UBAP2L: variants seen among roughly 807,000 people sequenced by gnomAD.
UBAP2L encodes the protein ubiquitin associated protein 2 like, also known as ubiquitin-associated protein 2-like.
A neutral mutation model predicts 130.6 loss-of-function variants in UBAP2L; 12 were observed. The ratio of observed to expected loss-of-function variants is 0.09; its 90% CI spans 0.06 to 0.15. The LOEUF (loss-of-function observed/expected upper bound fraction) is 0.15, where lower values mean the gene tolerates loss of function less well. Among genes scored for constraint, UBAP2L ranks in the 10% least tolerant of loss-of-function variants. The pLI, the probability that UBAP2L is intolerant of heterozygous loss-of-function variation, is 1.00. For synonymous variants in UBAP2L, 503 were observed against 524.7 expected (o/e 0.96, Z 0.57); for missense variants, 965 against 1,332.5 (o/e 0.72, Z 4.29).
chr1:154,269,043 A>G (rs757447661), intron 26 of UBAP2L, 89 bp downstream of exon 26: 2 of 1,446,126 alleles, frequency 1.4e-6, no homozygotes, highest in Non-Finnish European at 1.9e-6. Flanking sequence ...ACCCTTCCTC[A>G]CCACCACCTT....
intron 25 of UBAP2L, among the ~76,000 whole-genome samples, chr1:154,268,193 T>C (rs1398435869): frequency 2.0e-5 from 3 of 151,424 alleles, no homozygotes; most frequent in Non-Finnish European, 4.4e-5. Flanking sequence ...CCAGCCTTTT[T>C]TTTTCTTTTT....
chr1:154,230,655 C>T (rs971831841), intron 4 of UBAP2L, among the ~76,000 whole-genome samples: 3 of 152,162 alleles, frequency 2.0e-5, no homozygotes, highest in Non-Finnish European at 4.4e-5. Flanking sequence ...CTTCCAGCAT[C>T]TTCTGTCTAG....
At chr1:154,262,063 A>G (rs903828546) in intron 24 of UBAP2L, among the ~76,000 whole-genome samples, 2 of 152,222 alleles carry the variant, frequency 1.3e-5, no homozygotes, top group African/African-American at 4.8e-5. Context: ...AGGGGGGTGT[A>G]TTCACTGAGT....
intron 23 of UBAP2L, 103 bp from the exon 24 acceptor site, chr1:154,261,489 A>G (rs891086847): frequency 9.2e-7 from 1 of 1,088,418 alleles, no homozygotes; most frequent in South Asian, 1.3e-5. Context: ...AACTTGCATC[A>G]GGATAGGTAG....
At chr1:154,227,415 A>G in intron 3 of UBAP2L, 56 bp downstream of exon 3, 2 of 1,467,766 alleles carry the variant, frequency 1.4e-6, no homozygotes, top group Non-Finnish European at 9.5e-7. Flanking sequence ...GTATTAAGGC[A>G]TAATCAAATA....
chr1:154,258,624 A>G (rs972354511), intron 20 of UBAP2L: 1 of 163,104 alleles, frequency 6.1e-6, no homozygotes, highest in African/African-American at 2.4e-5. Flanking sequence ...TTCTTTCCAG[A>G]GGAGATTATT....
chr1:154,261,738 T>A (rs1571944630), intron 24 of UBAP2L, 41 bp downstream of exon 24: 2 of 1,590,284 alleles, frequency 1.3e-6, no homozygotes, highest in East Asian at 2.2e-5. Context: ...ATCTGTGGGG[T>A]GTTATTGGAT....
rs199664772 is a variant in UBAP2L, at chr1:154,247,971, T to TA, written c.1015-1268_1015-1267insA. On this transcript the variant is annotated intron_variant, in intron 11 of 26. Transcript: ENST00000428931. ...TAATTGTTTTTATTTTTTATTTATT[T>TA]TTTATTTTTTTTTGAGACAGAGTTT... 3.9e-3 allele frequency among the ~76,000 whole-genome samples: 584 copies of TA among 148,144 alleles called. 3 individuals are homozygous for TA. The highest frequency in any genetic ancestry group is 0.011 in the Middle Eastern group (3 of 278).
rs1340249981 is a variant in UBAP2L, at chr1:154,237,027, C to A, written c.594C>A (p.Thr198=). 11 of 1,613,738 alleles carry A rather than the reference C, an allele frequency of 6.8e-6. No individual in the cohort carries two copies. Among genetic ancestry groups the A allele is most frequent in the Non-Finnish European group, 9.3e-6 (11 of 1,179,808 alleles). ...TCTTAAGTTTTATTTTTTCCAGAAC[C>A]TTTAACCCAGCTGATTATGCAGAGC... ...GGRFSAQGMG[T]FNPADYAEPA... is the part of the protein sequence containing the mutation. Residue 198 remains threonine, a synonymous_variant, in exon 8 of 27, where the codon ACC becomes ACA. Transcript: ENST00000428931.
chr1:154,268,874 G>A lies in UBAP2L; in HGVS notation c.3088G>A (p.Ala1030Thr). 6.2e-7 allele frequency: 1 copy of A among 1,612,374 alleles called. No homozygotes were observed. The highest frequency in any genetic ancestry group is 8.5e-7 in the Non-Finnish European group (1 of 1,179,492). The change falls in exon 26 of 27, where the codon GCC becomes ACC. Residue 1030 changes from alanine to threonine, a missense_variant. Physicochemically the swap from Ala to Thr is moderately conservative, Grantham distance 58. Around this residue, in one of 9 missense-constraint regions of UBAP2L, gnomAD observed 194 missense variants for 334.0 expected, o/e 0.58. Transcript: ENST00000428931. ...NPATAAAYPPAPFMHILTPHQ... is the reference protein window; with the variant it reads ...NPATAAAYPPTPFMHILTPHQ... ...GGCCACAGCTGCTGCCTACCCACCT[G>A]CCCCCTTTATGCACATTCTGACCCC...
chr1:154,243,689 G>T (rs981983290), intron 10 of UBAP2L, among the ~76,000 whole-genome samples: 4 of 152,100 alleles, frequency 2.6e-5, no homozygotes, highest in African/African-American at 4.8e-5. Flanking sequence ...TCGAACTCCT[G>T]ACCTCGGGTA....
At chr1:154,245,633 G>C (rs1044091972) in intron 10 of UBAP2L, among the ~76,000 whole-genome samples, 1 of 152,076 alleles carries the variant, frequency 6.6e-6, no homozygotes, top group African/African-American at 2.4e-5. Flanking sequence ...ATTTGAGGCC[G>C]GGTGCGGTGC....
At chr1:154,267,736 C>T (rs930125760) in intron 25 of UBAP2L, among the ~76,000 whole-genome samples, 2 of 151,912 alleles carry the variant, frequency 1.3e-5, no homozygotes, top group Non-Finnish European at 2.9e-5. Flanking sequence ...TCAAGCAATC[C>T]ACCCGCCTTA....
In UBAP2L at chr1:154,234,682, G is replaced by A. The variant is rs768852366; in HGVS notation, c.371G>A (p.Arg124Gln). 1.3e-5 allele frequency: 21 copies of A among 1,613,912 alleles called. No individual in the cohort carries two copies. The highest frequency in any genetic ancestry group is 1.5e-5 in the Non-Finnish European group (18 of 1,180,004). The change falls in exon 5 of 27, where the codon CGA becomes CAA. Residue 124 changes from arginine to glutamine, a missense_variant. By Grantham distance (43) the Arg-to-Gln change is conservative (BLOSUM62 1). Around this residue, in one of 9 missense-constraint regions of UBAP2L, gnomAD observed 109 missense variants for 146.6 expected, o/e 0.74. Transcript: ENST00000428931. ...TESNEEGKENRDRDRDYSRRR... is the reference protein window; with the variant it reads ...TESNEEGKENQDRDRDYSRRR... Reference sequence around the variant, plus strand: ...TCCAATGAGGAAGGCAAAGAAAATCGAGACCGGGACAGAGACTATAGTCGG... The same window carrying A: ...TCCAATGAGGAAGGCAAAGAAAATCAAGACCGGGACAGAGACTATAGTCGG...
chr1:154,226,895 T>A (rs1668120620), intron 2 of UBAP2L, among the ~76,000 whole-genome samples: 1 of 152,196 alleles, frequency 6.6e-6, no homozygotes, highest in Non-Finnish European at 1.5e-5. Context: ...CTATCTCAGT[T>A]CACTGCAACC....
upstream of UBAP2L, chr1:154,220,296 C>T (rs1665452193): frequency 2.5e-6 from 4 of 1,608,518 alleles, no homozygotes; most frequent in Non-Finnish European, 3.4e-6. Flanking sequence ...AGGGTCTCTA[C>T]TGGGTAAGAT....
Position 154,253,832 on chromosome 1 carries a change from G to A in UBAP2L, c.1665-68G>A, listed in dbSNP as rs534117202. ...AGTTATTCCACTAGTAGATCTCCACGATTTCCTTAGTATGAGTAGATATGC... is the reference window on the plus strand; with the variant it reads ...AGTTATTCCACTAGTAGATCTCCACAATTTCCTTAGTATGAGTAGATATGC... On this transcript the variant is annotated intron_variant, in intron 14 of 26. Transcript: ENST00000428931. The A allele has an allele frequency of 1.2e-4, 179 of 1,497,804 alleles. No homozygotes were observed. In the Middle Eastern group the frequency reaches 1.9e-3, roughly 16 times the overall value. 92.8% of individuals were successfully genotyped at this position (1,497,804 alleles called of 1,614,324 possible).
downstream of UBAP2L, chr1:154,271,024 A>G (rs868628611): frequency 4.4e-6 from 6 of 1,377,274 alleles, no homozygotes; most frequent in Non-Finnish European, 3.0e-6. Flanking sequence ...TGGTAGTAGT[A>G]TCTTGTCCTT....
Position 154,268,922 on chromosome 1 carries a change from A to C in UBAP2L, c.3136A>C (p.Ile1046Leu), listed in dbSNP as rs765702365. ...CCCCCATCAGCAGCCGCATTCTCAG[A>C]TCCTTCACCATCACCTGCAGCAGGA... ...LTPHQQPHSQ[I>L]LHHHLQQDGQ... The change falls in exon 26 of 27, where the codon ATC becomes CTC. Residue 1046 changes from isoleucine (I) to leucine (L), a missense_variant. Ile to Leu is a conservative substitution (Grantham distance 5, BLOSUM62 2). Transcript: ENST00000428931. 1 of 1,591,314 alleles carries C rather than the reference A, an allele frequency of 6.3e-7. No homozygotes were observed. Among genetic ancestry groups the C allele is most frequent in the Non-Finnish European group, 8.6e-7 (1 of 1,166,972 alleles).
Sources: allele counts gnomAD v4.1 joint callset (sites outside exome capture counted in the v4.1 genomes callset), GRCh38; gene constraint gnomAD v4.1.1; regional missense constraint gnomAD v4.1.1; transcripts MANE v1.5; gene names NCBI Gene and HGNC (gene_info 2026-07-23, HGNC 2026-07-21).